Variants in IDNK observed in about 807,000 individuals in gnomAD.
IDNK encodes the protein gluconokinase.
In IDNK, 9 loss-of-function variants were observed where a neutral mutation model predicts 13.0. The ratio of observed to expected loss-of-function variants is 0.69; its 90% CI spans 0.42 to 1.21. The LOEUF (loss-of-function observed/expected upper bound fraction) is 1.21. Ranked by LOEUF, IDNK falls within the 50% of genes most tolerant of loss-of-function variation. The pLI is 0.00. For synonymous variants in IDNK, 92 were observed against 94.9 expected, an observed-to-expected ratio of 0.97 and a Z score of 0.18; for missense variants, 210 against 237.8, an observed-to-expected ratio of 0.88 and a Z score of 0.77.
At chr9:83,634,817 A>AC (rs1388241746) in intron 3 of IDNK, among the ~76,000 whole-genome samples, 1 of 152,182 alleles carries the variant, frequency 6.6e-6, no homozygotes, top group Non-Finnish European at 1.5e-5. Context: ...TCTTTGGTTC[A>AC]CCCCAAACTC....
intron 1 of IDNK, among the ~76,000 whole-genome samples, chr9:83,623,958 G>C (rs907617638): frequency 2.6e-5 from 4 of 152,154 alleles, no homozygotes; most frequent in Admixed American, 2.6e-4. Context: ...GACAGAACTT[G>C]ATCAGCTAAA....
chr9:83,629,015 C>G (rs752777854), intron 3 of IDNK, 56 bp downstream of exon 3: 29 of 1,397,166 alleles, frequency 2.1e-5, no homozygotes, highest in Non-Finnish European at 2.9e-5. Flanking sequence ...ACAGGATGAG[C>G]TCGCTACAGC....
chr9:83,626,685 G>A (rs1483990281), intron 1 of IDNK: 16 of 1,273,826 alleles, frequency 1.3e-5, no homozygotes, highest in Admixed American at 2.4e-5. Flanking sequence ...CCAAAGTGCT[G>A]GGATTATAGG....
chr9:83,631,831 T>A (rs955799717), intron 3 of IDNK, among the ~76,000 whole-genome samples: 9 of 152,098 alleles, frequency 5.9e-5, no homozygotes, highest in African/African-American at 1.7e-4. Flanking sequence ...ATGATGAAAT[T>A]AATAATAAAG....
At chr9:83,640,766 A>T (rs1236065287) in intron 3 of IDNK, among the ~76,000 whole-genome samples, 2 of 152,154 alleles carry the variant, frequency 1.3e-5, no homozygotes, top group African/African-American at 2.4e-5. Flanking sequence ...AATCGCTTGA[A>T]CCCAGAAGGC....
Position 83,638,522 on chromosome 9 carries a change from T to C in IDNK, c.169-3026T>C, listed in dbSNP as rs555976808. Among the ~76,000 whole-genome samples, 24 of 152,298 alleles carry C rather than the reference T, an allele frequency of 1.6e-4. No homozygotes were observed. In the South Asian group the frequency reaches 5.0e-3, roughly 32 times the overall value. On this transcript the variant is annotated intron_variant, in intron 3 of 4. Transcript: ENST00000376419. The stretch of plus-strand genomic sequence containing the variant: ...GAATAGGAGAAAGGCTATATTCAAA[T>C]AGGTAGTAACAACTTTTCCAGGGTA...
Position 83,623,241 on chromosome 9 carries a change from G to A in IDNK, c.50+20G>A, listed in dbSNP as rs777471334. On this transcript the variant is annotated intron_variant, in intron 1 of 4. Coordinates refer to ENST00000376419, the MANE Select transcript of IDNK (RefSeq NM_001001551.4). ...GGGGAAGTAGGTCCGGGAGAGGGCG[G>A]GGGGCGCCCGGGACAAGTGTTGCGG... 1.4e-5 allele frequency: 20 copies of A among 1,385,980 alleles called. No individual in the cohort carries two copies. The East Asian group carries it at 4.6e-4, about 32-fold the overall frequency. 85.9% of individuals were successfully genotyped at this position (1,385,980 alleles called of 1,614,324 possible). A position where few individuals can be genotyped will look rare whatever the true frequency, so the allele number is the denominator to read the frequency against.
At chr9:83,631,772 G>A (rs1225376179) in intron 3 of IDNK, among the ~76,000 whole-genome samples, 4 of 152,230 alleles carry the variant, frequency 2.6e-5, no homozygotes, top group South Asian at 2.1e-4. Flanking sequence ...GTGTTGGACA[G>A]TGCCAGTCTA....
In IDNK at chr9:83,626,782, G is replaced by A. The variant is rs141769868; in HGVS notation, c.51-1399G>A. The A allele has an allele frequency of 2.4e-4, 280 of 1,172,628 alleles. 2 individuals are homozygous for A. In the African/African-American group the frequency reaches 3.6e-3, roughly 15 times the overall value. 72.6% of individuals were successfully genotyped at this position (1,172,628 alleles called of 1,614,324 possible). Reference sequence around the variant, plus strand: ...GCTTCACCAGCCATGGAGTTTGGCCGGGATGGTCTACTCATCCGTAGGCTG... The same window carrying A: ...GCTTCACCAGCCATGGAGTTTGGCCAGGATGGTCTACTCATCCGTAGGCTG... On this transcript the variant is annotated intron_variant, in intron 1 of 4. Transcript: ENST00000376419.
chr9:83,634,420 T>C (rs542131384), intron 3 of IDNK, among the ~76,000 whole-genome samples: 5 of 152,372 alleles, frequency 3.3e-5, no homozygotes, highest in African/African-American at 1.2e-4. Flanking sequence ...TGCTTTATTA[T>C]TGACTAAAGC....
chr9:83,627,941 A>G, intron 1 of IDNK: 1 of 1,127,732 alleles, frequency 8.9e-7, no homozygotes, highest in South Asian at 2.8e-5. Context: ...GAGATCTTAT[A>G]TATTGCCTTT....
In IDNK at chr9:83,626,101, C is replaced by T. The variant is rs185599851; in HGVS notation, c.51-2080C>T. 4.5e-3 allele frequency among the ~76,000 whole-genome samples: 681 copies of T among 152,296 alleles called. 4 individuals carry two copies. The highest frequency in any genetic ancestry group is 7.4e-3 in the Non-Finnish European group (503 of 68,030). On this transcript the variant is annotated intron_variant, in intron 1 of 4. Coordinates refer to ENST00000376419, the MANE Select transcript of IDNK (RefSeq NM_001001551.4). ...ATTGATTCTGCATCCCTTCCTTCTCCCCCATTGGTCTGTGTTGTCTTTTTA... is the reference window on the plus strand; with the variant it reads ...ATTGATTCTGCATCCCTTCCTTCTCTCCCATTGGTCTGTGTTGTCTTTTTA...
At chr9:83,629,149 A>G (rs1564145500) in intron 3 of IDNK, among the ~76,000 whole-genome samples, 190 bp downstream of exon 3, 1 of 152,206 alleles carries the variant, frequency 6.6e-6, no homozygotes, top group Non-Finnish European at 1.5e-5. Flanking sequence ...ACATGGCCCC[A>G]GGAACAATGC....
At chr9:83,624,346 T>C (rs973037910) in intron 1 of IDNK, among the ~76,000 whole-genome samples, 1 of 152,210 alleles carries the variant, frequency 6.6e-6, no homozygotes, top group African/African-American at 2.4e-5. Context: ...GGAGGCCTAA[T>C]CCCTATGATG....
At chr9:83,633,104 C>A (rs1270640896) in intron 3 of IDNK, among the ~76,000 whole-genome samples, 1 of 152,168 alleles carries the variant, frequency 6.6e-6, no homozygotes, top group Non-Finnish European at 1.5e-5. Context: ...CTTTGGGAGG[C>A]CGAGGCGGGC....
chr9:83,636,965 C>A (rs1329258899), intron 3 of IDNK, among the ~76,000 whole-genome samples: 2 of 152,198 alleles, frequency 1.3e-5, no homozygotes, highest in African/African-American at 2.4e-5. Context: ...TTACAAAAAA[C>A]CACACTTGTT....
intron 1 of IDNK, among the ~76,000 whole-genome samples, chr9:83,627,854 A>C (rs1339268036): frequency 9.0e-5 from 2 of 22,294 alleles, no homozygotes; most frequent in African/African-American, 1.6e-4. Context: ...TCCCCACCAC[A>C]AAAAAAAAAA....
intron 3 of IDNK, among the ~76,000 whole-genome samples, chr9:83,636,075 C>A (rs1019189123): frequency 2.0e-5 from 3 of 152,168 alleles, no homozygotes; most frequent in African/African-American, 7.2e-5. Flanking sequence ...GCAGTATTAT[C>A]TTTTTCATCT....
intron 1 of IDNK, among the ~76,000 whole-genome samples, chr9:83,624,480 A>G (rs1027990871): frequency 2.0e-5 from 3 of 152,206 alleles, no homozygotes; most frequent in African/African-American, 7.2e-5. Context: ...CTGGTATGGG[A>G]GACAGAGTAA....
Sources: allele counts gnomAD v4.1 joint callset (sites outside exome capture counted in the v4.1 genomes callset), GRCh38; gene constraint gnomAD v4.1.1; transcripts MANE v1.5; gene names NCBI Gene and HGNC (gene_info 2026-07-23, HGNC 2026-07-21).